Variants in HMGCLL1 observed in about 807,000 individuals in gnomAD.
HMGCLL1 encodes 3-hydroxymethyl-3-methylglutaryl-CoA lyase, cytoplasmic.
Under a neutral mutation model 39.1 loss-of-function variants are expected in HMGCLL1, and 36 were observed. The ratio of observed to expected loss-of-function variants is 0.92; its 90% confidence interval spans 0.71 to 1.22. The LOEUF (loss-of-function observed/expected upper bound fraction) is 1.22. Ranked by LOEUF, HMGCLL1 falls within the 50% of genes most tolerant of loss-of-function variation. The probability of loss-of-function intolerance (pLI) is 0.00; values close to 1 mark genes in which losing one functional copy is unlikely to be tolerated. For missense variants in HMGCLL1, 451 were observed against 416.5 expected, an observed-to-expected ratio of 1.08 and a Z score of -0.72; for synonymous variants, 149 against 144.0, an observed-to-expected ratio of 1.03 and a Z score of -0.25.
At chr6:55,627,664 C>T in the HMGCLL1 span, among the ~76,000 whole-genome samples, 2 of 146,632 alleles carry the variant, frequency 1.4e-5, no homozygotes, top group South Asian at 4.3e-4. Context: ...TAATCAGCCT[C>T]CAGGGAATAT....
At chr6:55,482,161 A>C (rs953046947) in intron 7 of HMGCLL1, among the ~76,000 whole-genome samples, 8 of 152,138 alleles carry the variant, frequency 5.3e-5, no homozygotes, top group Non-Finnish European at 8.8e-5. Context: ...AAGCAAACAA[A>C]CACTATTACC....
intron 8 of HMGCLL1, 97 bp from the exon 9 acceptor site, chr6:55,435,860 A>G: frequency 1.9e-6 from 1 of 534,396 alleles, no homozygotes; most frequent in East Asian, 3.2e-5. Context: ...TTACTTAACC[A>G]TTTAAAATTA....
the HMGCLL1 span, among the ~76,000 whole-genome samples, chr6:55,628,443 C>T: frequency 6.6e-6 from 1 of 151,088 alleles, no homozygotes; most frequent in South Asian, 2.1e-4. Context: ...GCTGAGATTA[C>T]AGGCACGCAT....
At chr6:55,476,389 C>A (rs759797992) in intron 7 of HMGCLL1, among the ~76,000 whole-genome samples, 1 of 151,330 alleles carries the variant, frequency 6.6e-6, no homozygotes, top group Non-Finnish European at 1.5e-5. Context: ...ATAACAGTAC[C>A]AGTAATTTTT....
Position 55,439,485 on chromosome 6 carries a change from A to C in HMGCLL1, c.870T>G (p.Asn290Lys). The C allele has an allele frequency of 6.2e-7, 1 of 1,612,934 alleles. No individual in the cohort carries two copies. The highest frequency in any genetic ancestry group is 8.5e-7 in the Non-Finnish European group (1 of 1,179,182). ...GCPYAKGASG[N>K]VATEDLIYML... ...TATATATCAAATCCTCAGTGGCTAC[A>C]TTCCCAGAAGCACCTTTTGCATAAG... Residue 290 changes from asparagine (N) to lysine (K), a missense_variant, in exon 8 of 9, where the codon AAT (asparagine) becomes AAG (lysine). Transcript: ENST00000274901.
chr6:55,530,473 T>A (rs1283777531), intron 3 of HMGCLL1, among the ~76,000 whole-genome samples: 1 of 152,068 alleles, frequency 6.6e-6, no homozygotes, highest in African/African-American at 2.4e-5. Context: ...CAATCAGTGA[T>A]GAATTGATAG....
At chr6:55,520,564 G>T (rs1419439841) in intron 3 of HMGCLL1, among the ~76,000 whole-genome samples, 1 of 151,824 alleles carries the variant, frequency 6.6e-6, no homozygotes, top group Non-Finnish European at 1.5e-5. Context: ...AAAAGGGCAG[G>T]TTCCAATTCA....
At chr6:55,495,010 A>G (rs1766500521) in intron 7 of HMGCLL1, among the ~76,000 whole-genome samples, 1 of 152,230 alleles carries the variant, frequency 6.6e-6, no homozygotes, top group Non-Finnish European at 1.5e-5. Flanking sequence ...TTCCCATCAT[A>G]GAGCATGAAA....
At chr6:55,476,736 T>C (rs1045870740) in intron 7 of HMGCLL1, among the ~76,000 whole-genome samples, 3 of 151,676 alleles carry the variant, frequency 2.0e-5, no homozygotes, top group African/African-American at 7.3e-5. Flanking sequence ...TGGATTAGTC[T>C]TTTAATATGT....
chr6:55,448,227 A>G (rs997402916), intron 7 of HMGCLL1, among the ~76,000 whole-genome samples: 2 of 151,864 alleles, frequency 1.3e-5, no homozygotes, highest in African/African-American at 4.8e-5. Context: ...TTCATAGGTT[A>G]AATGTTGAAA....
intron 7 of HMGCLL1, among the ~76,000 whole-genome samples, chr6:55,472,722 T>C (rs889386828): frequency 6.6e-6 from 1 of 151,506 alleles, no homozygotes; most frequent in Non-Finnish European, 1.5e-5. Context: ...TAATATGTAT[T>C]CTGATATTAT....
At chr6:55,548,127 A>G (rs1581933921) in intron 1 of HMGCLL1, among the ~76,000 whole-genome samples, 1 of 152,044 alleles carries the variant, frequency 6.6e-6, no homozygotes. Context: ...TCAATAAACA[A>G]TATGTCTTAA....
intron 1 of HMGCLL1, among the ~76,000 whole-genome samples, chr6:55,555,382 C>A (rs1048878076): frequency 1.8e-4 from 27 of 152,166 alleles, no homozygotes; most frequent in African/African-American, 6.3e-4. Context: ...AAAGGAAACT[C>A]CACTCTCTAC....
chr6:55,530,849 T>A (rs1184757308), intron 3 of HMGCLL1, among the ~76,000 whole-genome samples: 1 of 152,212 alleles, frequency 6.6e-6, no homozygotes, highest in Admixed American at 6.5e-5. Flanking sequence ...AATCACTTTA[T>A]TTTTATTTTT....
At chr6:55,533,568 T>C (rs73449078) in intron 3 of HMGCLL1, among the ~76,000 whole-genome samples, 3,884 of 152,172 alleles carry the variant, frequency 0.026, 164 homozygotes, top group African/African-American at 0.089. Context: ...GAATGATGTG[T>C]GTATTCCAGA....
intron 4 of HMGCLL1, 26 bp downstream of exon 4, chr6:55,516,482 T>A (rs775768575): frequency 2.7e-5 from 39 of 1,460,352 alleles, no homozygotes; most frequent in Non-Finnish European, 3.5e-5. Context: ...GCCTATCAAT[T>A]TTAGAGATAT....
intron 1 of HMGCLL1, among the ~76,000 whole-genome samples, chr6:55,573,576 T>A (rs966288149): frequency 4.0e-5 from 6 of 151,248 alleles, no homozygotes; most frequent in African/African-American, 1.5e-4. Flanking sequence ...AACAGCAAAT[T>A]AAACAAAGCT....
the HMGCLL1 span, among the ~76,000 whole-genome samples, chr6:55,585,434 T>G: frequency 6.6e-6 from 1 of 152,100 alleles, no homozygotes; most frequent in African/African-American, 2.4e-5. Flanking sequence ...TTGTTTCCAT[T>G]AACTACAAGC....
chr6:55,567,702 A>T (rs144935319), intron 1 of HMGCLL1, among the ~76,000 whole-genome samples: 2,005 of 152,292 alleles, frequency 0.013, 30 homozygotes, highest in Non-Finnish European at 0.023. Flanking sequence ...GCAATGAAGA[A>T]TGAAAATGTG....
Sources: allele counts gnomAD v4.1 joint callset (sites outside exome capture counted in the v4.1 genomes callset), GRCh38; gene constraint gnomAD v4.1.1; transcripts MANE v1.5; gene names NCBI Gene and HGNC (gene_info 2026-07-23, HGNC 2026-07-21).